ZNF471: variants seen among roughly 807,000 people sequenced by gnomAD.
ZNF471 encodes zinc finger protein 471, also known as EZFIT-related protein 1.
Under a neutral mutation model 13.7 loss-of-function variants are expected in ZNF471, and 7 were observed. The ratio of observed to expected loss-of-function variants is 0.51; its 90% CI spans 0.29 to 0.96. The LOEUF (loss-of-function observed/expected upper bound fraction) is 0.96, where lower values mean the gene tolerates loss of function less well. Ranked by LOEUF, ZNF471 falls within the 40% of genes least tolerant of loss-of-function variation. The pLI, the probability that ZNF471 is intolerant of heterozygous loss-of-function variation, is 0.08. For missense variants in ZNF471, 663 were observed against 743.3 expected (o/e 0.89, Z 1.26); for synonymous variants, 218 against 235.6 (o/e 0.93, Z 0.68).
chr19:56,519,849 G>A (rs1250791320), intron 4 of ZNF471, among the ~76,000 whole-genome samples: 1 of 152,200 alleles, frequency 6.6e-6, no homozygotes, highest in Non-Finnish European at 1.5e-5. Context: ...GTTGTATGAC[G>A]AAGTCTTGCA....
intron 2 of ZNF471, among the ~76,000 whole-genome samples, chr19:56,515,974 T>G (rs2043882178): frequency 1.3e-5 from 2 of 152,174 alleles, no homozygotes; most frequent in South Asian, 4.1e-4. Flanking sequence ...TTGAAAAATA[T>G]CAGTTTAGAT....
In ZNF471 at chr19:56,510,702, T is replaced by G. The variant is rs2043798631; in HGVS notation, c.-55-815T>G. 2.0e-6 allele frequency: 2 copies of G among 985,532 alleles called. No individual in the cohort carries two copies. Among genetic ancestry groups the G allele is most frequent in the South Asian group, 9.4e-5 (2 of 21,282 alleles). 61.0% of individuals were successfully genotyped at this position (985,532 alleles called of 1,614,324 possible). ...TAATTGTGGCCCTGTATGACTGCTG[T>G]GTATGGAGAGACTACTTGGAAGATT... On this transcript the variant is annotated intron_variant, in intron 1 of 4. Coordinates refer to ENST00000308031, the MANE Select transcript of ZNF471 (RefSeq NM_020813.4). This position sits in a 1 kb window ranked among gnomAD's most constrained non-coding sequence, Gnocchi z 4.3.
In ZNF471 at chr19:56,516,381, A is replaced by T. The variant is rs1192702193; in HGVS notation, c.140A>T (p.Tyr47Phe). The change falls in exon 3 of 5, where the codon TAT (tyrosine) becomes TTT (phenylalanine). Residue 47 changes from tyrosine (Y) to phenylalanine (F), a missense_variant. Coordinates refer to ENST00000308031, the MANE Select transcript of ZNF471 (RefSeq NM_020813.4). This position sits in a 1 kb window ranked among gnomAD's most constrained non-coding sequence, Gnocchi z 4.4. ...TACAGGAGTATGATGTTGGAGAACTATCAGAGCCTGGTATCACTTGGTGAG... is the reference window on the plus strand; with the variant it reads ...TACAGGAGTATGATGTTGGAGAACTTTCAGAGCCTGGTATCACTTGGTGAG... ...RLYRSMMLEN[Y>F]QSLVSLGLCI... The T allele has an allele frequency of 6.2e-7, 1 of 1,613,624 alleles. No individual in the cohort carries two copies.
chr19:56,520,640 T>C (rs1053715361), intron 4 of ZNF471, among the ~76,000 whole-genome samples: 1 of 152,082 alleles, frequency 6.6e-6, no homozygotes, highest in African/African-American at 2.4e-5. Context: ...TGAGGGCTCA[T>C]GAGTGGGATT....
rs2043753792 is a variant in ZNF471 at position 56,507,919 on chromosome 19, G to C, written c.-57G>C. The C allele has an allele frequency of 5.1e-6, 5 of 985,664 alleles. No individual in the cohort carries two copies. Among genetic ancestry groups the C allele is most frequent in the Non-Finnish European group, 6.0e-6 (5 of 830,062 alleles). The allele number at this position is 985,664 out of a possible 1,614,324, so 61.1% of individuals were successfully genotyped here. A position where few individuals can be genotyped will look rare whatever the true frequency, so the allele number is the denominator to read the frequency against. ...GCGTCTGGGTGCCAGACGAGGCCGG[G>C]GGTTTGTTTTGGGTGGTTTGGGAGT... On this transcript the variant is annotated splice_region_variant and 5_prime_UTR_variant, in exon 1 of 5. Transcript: ENST00000308031.
In ZNF471 at chr19:56,522,735, T is replaced by C. The variant is rs1469155720; in HGVS notation, c.257-1589T>C. Reference sequence around the variant, plus strand: ...GTGATGTAGCAATATATTTTTTCTTTTTTTCTTTTTTTTTTTTTGAGATGG... The same window carrying C: ...GTGATGTAGCAATATATTTTTTCTTCTTTTCTTTTTTTTTTTTTGAGATGG... On this transcript the variant is annotated intron_variant, in intron 4 of 4. Coordinates refer to ENST00000308031, the MANE Select transcript of ZNF471 (RefSeq NM_020813.4). The surrounding 1 kb of genome is among the most constrained non-coding windows in gnomAD (Gnocchi z 4.1). Among the ~76,000 whole-genome samples, 1 of 151,900 alleles carries C rather than the reference T, an allele frequency of 6.6e-6. No individual in the cohort carries two copies. Among genetic ancestry groups the C allele is most frequent in the Non-Finnish European group, 1.5e-5 (1 of 67,968 alleles).
Position 56,507,870 on chromosome 19 carries a change from A to G in ZNF471, c.-106A>G. The G allele has an allele frequency of 1.0e-5, 10 of 985,458 alleles. No homozygotes were observed. Among genetic ancestry groups the G allele is most frequent in the Non-Finnish European group, 1.1e-5 (9 of 830,054 alleles). The allele number at this position is 985,458 out of a possible 1,614,324, so 61.0% of individuals were successfully genotyped here. Reference sequence around the variant, plus strand: ...TGCGCGATGGGGGGTTCCAGCGTCGACTCACGGAGTCCTTCGGATGAGAGC... The same window carrying G: ...TGCGCGATGGGGGGTTCCAGCGTCGGCTCACGGAGTCCTTCGGATGAGAGC... On this transcript the variant is annotated 5_prime_UTR_variant, in exon 1 of 5. Coordinates refer to ENST00000308031, the MANE Select transcript of ZNF471 (RefSeq NM_020813.4).
chr19:56,524,664 C>T lies in ZNF471; in HGVS notation c.597C>T (p.Val199=). Residue 199 remains valine, a synonymous_variant, in exon 5 of 5, where the codon GTC becomes GTT. Transcript: ENST00000308031. The surrounding 1 kb of genome is among the most constrained non-coding windows in gnomAD (Gnocchi z 4.8). ...KNSMVIKHKK[V]YVGKKLFKCN... ...CTATGGTAATAAAACACAAGAAAGT[C>T]TATGTAGGAAAGAAGCTTTTTAAAT... is the stretch of plus-strand genomic sequence containing the variant. 2 of 1,581,628 alleles carry T rather than the reference C, an allele frequency of 1.3e-6. No individual in the cohort carries two copies. The highest frequency in any genetic ancestry group is 1.4e-5 in the African/African-American group (1 of 72,798).
intron 4 of ZNF471, among the ~76,000 whole-genome samples, chr19:56,520,931 G>T (rs117892314): frequency 0.13 from 20,525 of 152,274 alleles, 1,701 homozygotes; most frequent in Middle Eastern, 0.2. Context: ...AAGGAAAGAG[G>T]TTTAATTGAC....
intron 2 of ZNF471, among the ~76,000 whole-genome samples, chr19:56,513,346 AT>A (rs920941262): frequency 5.3e-5 from 8 of 152,230 alleles, no homozygotes; most frequent in Non-Finnish European, 7.3e-5. Flanking sequence ...ATTATTCACT[AT>A]TTTTGTTTTA....
At position 56,525,069 on chromosome 19, in the gene ZNF471, T is replaced by C. The variant is rs144414771; in HGVS notation, c.1002T>C (p.Ala334=). The C allele has an allele frequency of 2.7e-4, 440 of 1,613,710 alleles. No individual in the cohort carries two copies. The highest frequency in any genetic ancestry group is 4.9e-4 in the Middle Eastern group (3 of 6,080). The change falls in exon 5 of 5, where the codon GCT becomes GCC. Residue 334 remains alanine, a synonymous_variant. Coordinates refer to ENST00000308031, the MANE Select transcript of ZNF471 (RefSeq NM_020813.4). ...CCTTCAGTGATGGCTCGTCTTTTGC[T>C]CGACATCAGAGATGTCACACTGGCA... ...GKAFSDGSSF[A]RHQRCHTGKR... is the part of the protein sequence containing the mutation.
rs1161235088 is a variant in ZNF471, at chr19:56,518,501, A to G, written c.180A>G (p.Pro60=). Residue 60 remains proline (P), a synonymous_variant, in exon 4 of 5, where the codon CCA becomes CCG. Transcript: ENST00000308031. ...ATGTAGGTCTTTGCATTTCTAAGCC[A>G]TATGTGATCTCCTTATTGGAGCAAG... ...LVSLGLCISK[P]YVISLLEQGR... The G allele has an allele frequency of 3.1e-6, 5 of 1,613,332 alleles. No homozygotes were observed. The highest frequency in any genetic ancestry group is 4.2e-6 in the Non-Finnish European group (5 of 1,179,820).
intron 3 of ZNF471, among the ~76,000 whole-genome samples, chr19:56,517,352 G>A (rs796494283): frequency 2.0e-4 from 30 of 149,458 alleles, no homozygotes; most frequent in African/African-American, 7.4e-4. Context: ...GCCCAGGCTG[G>A]AGTGCAGTGG....
At position 56,522,187 on chromosome 19, in the gene ZNF471, C is replaced by A. The variant is rs1471573812; in HGVS notation, c.257-2137C>A. Reference sequence around the variant, plus strand: ...TGCCCATCCGTAATGATGCATTTCTCAGAGCATTTCTCCATCATTAAGTGA... The same window carrying A: ...TGCCCATCCGTAATGATGCATTTCTAAGAGCATTTCTCCATCATTAAGTGA... On this transcript the variant is annotated intron_variant, in intron 4 of 4. Transcript: ENST00000308031. The surrounding 1 kb of genome is among the most constrained non-coding windows in gnomAD (Gnocchi z 4.1). Among the ~76,000 whole-genome samples, 2 of 152,096 alleles carry A rather than the reference C, an allele frequency of 1.3e-5. No individual in the cohort carries two copies. The highest frequency in any genetic ancestry group is 2.9e-5 in the Non-Finnish European group (2 of 68,022).
rs2043988885 is a variant in ZNF471, at chr19:56,522,653, C to A, written c.257-1671C>A. ...AGTATCATCTCTTCAATACAAATTT[C>A]TTTATATTTTACTGATAACTTTGTA... On this transcript the variant is annotated intron_variant, in intron 4 of 4. Coordinates refer to ENST00000308031, the MANE Select transcript of ZNF471 (RefSeq NM_020813.4). This position sits in a 1 kb window ranked among gnomAD's most constrained non-coding sequence, Gnocchi z 4.1. Among the ~76,000 whole-genome samples, 2 of 151,842 alleles carry A rather than the reference C, an allele frequency of 1.3e-5. No homozygotes were observed. The highest frequency in any genetic ancestry group is 4.2e-4 in the South Asian group (2 of 4,816).
At chr19:56,518,958 C>T (rs2043932552) in intron 4 of ZNF471, among the ~76,000 whole-genome samples, 1 of 152,162 alleles carries the variant, frequency 6.6e-6, no homozygotes, top group Non-Finnish European at 1.5e-5. Flanking sequence ...ATGTACCCTG[C>T]TGCTCTTTCA....
Position 56,508,322 on chromosome 19 carries a change from G to C in ZNF471, c.-56+402G>C, listed in dbSNP as rs2147897193. On this transcript the variant is annotated intron_variant, in intron 1 of 4. Transcript: ENST00000308031. This position sits in a 1 kb window ranked among gnomAD's most constrained non-coding sequence, Gnocchi z 4.7. The stretch of plus-strand genomic sequence containing the variant: ...GACAGAGCGAGACGGGCCAGTGTGA[G>C]AGACCAGTGAGTGTGAGAGAGATAG... 6.6e-6 allele frequency among the ~76,000 whole-genome samples: 1 copy of C among 152,038 alleles called. No homozygotes were observed. Among genetic ancestry groups the C allele is most frequent in the African/African-American group, 2.4e-5 (1 of 41,482 alleles).
Position 56,525,617 on chromosome 19 carries a change from G to A in ZNF471, c.1550G>A (p.Cys517Tyr), listed in dbSNP as rs143533715. ...RIHTGEKPYECIECGNAFKQR... is the reference protein window; with the variant it reads ...RIHTGEKPYEYIECGNAFKQR... ...CATACTGGAGAGAAGCCTTATGAAT[G>A]TATTGAATGTGGAAATGCTTTCAAA... is the stretch of plus-strand genomic sequence containing the variant. Residue 517 changes from cysteine (C) to tyrosine (Y), a missense_variant, in exon 5 of 5, where the codon TGT becomes TAT. Cys to Tyr is a radical substitution (Grantham distance 194, BLOSUM62 -2). Coordinates refer to ENST00000308031, the MANE Select transcript of ZNF471 (RefSeq NM_020813.4). The A allele has an allele frequency of 1.8e-4, 290 of 1,614,058 alleles. No individual in the cohort carries two copies. The highest frequency in any genetic ancestry group is 2.3e-4 in the Non-Finnish European group (270 of 1,180,030).
In ZNF471 at chr19:56,510,718, T is replaced by C. The variant is rs2043798774; in HGVS notation, c.-55-799T>C. The C allele has an allele frequency of 2.0e-6, 2 of 985,484 alleles. No individual in the cohort carries two copies. Among genetic ancestry groups the C allele is most frequent in the Non-Finnish European group, 2.4e-6 (2 of 829,958 alleles). 61.0% of individuals were successfully genotyped at this position (985,484 alleles called of 1,614,324 possible). On this transcript the variant is annotated intron_variant, in intron 1 of 4. Coordinates refer to ENST00000308031, the MANE Select transcript of ZNF471 (RefSeq NM_020813.4). The surrounding 1 kb of genome is among the most constrained non-coding windows in gnomAD (Gnocchi z 4.3). The stretch of plus-strand genomic sequence containing the variant: ...TGACTGCTGTGTATGGAGAGACTAC[T>C]TGGAAGATTGATAGGATTGGATTCT...
Sources: allele counts gnomAD v4.1 joint callset (sites outside exome capture counted in the v4.1 genomes callset), GRCh38; gene constraint gnomAD v4.1.1; non-coding constraint Gnocchi (gnomAD v3.1); transcripts MANE v1.5; gene names NCBI Gene and HGNC (gene_info 2026-07-23, HGNC 2026-07-21).